Variants in MCTP1 observed in about 807,000 individuals in gnomAD.
The protein encoded by MCTP1 is multiple C2 and transmembrane domain-containing protein 1.
In MCTP1, 69 loss-of-function variants were observed where a neutral mutation model predicts 120.6. The observed-to-expected ratio is 0.57, with a 90% confidence interval of 0.47 to 0.70. The LOEUF (loss-of-function observed/expected upper bound fraction) is 0.70. Among genes scored for constraint, MCTP1 ranks in the 30% least tolerant of loss-of-function variants. The pLI is 0.00. For synonymous variants in MCTP1, 529 were observed against 493.1 expected, an observed-to-expected ratio of 1.07 and a Z score of -0.96; for missense variants, 1,203 against 1,248.8, an observed-to-expected ratio of 0.96 and a Z score of 0.55.
At chr5:94,938,223 T>A (rs1816676839) in intron 5 of MCTP1, among the ~76,000 whole-genome samples, 1 of 152,072 alleles carries the variant, frequency 6.6e-6, no homozygotes, top group East Asian at 1.9e-4. Flanking sequence ...TTTACAGATC[T>A]TTCAATGGCT....
At chr5:95,260,177 G>C (rs796743278) in intron 1 of MCTP1, among the ~76,000 whole-genome samples, 1 of 152,162 alleles carries the variant, frequency 6.6e-6, no homozygotes, top group African/African-American at 2.4e-5. Flanking sequence ...TTGAGGCTGA[G>C]TGTGGAGGAA....
intron 2 of MCTP1, among the ~76,000 whole-genome samples, chr5:95,009,068 G>C (rs1323597740): frequency 3.4e-5 from 1 of 29,108 alleles, no homozygotes; most frequent in African/African-American, 5.2e-5. Flanking sequence ...GAGAGAGAGA[G>C]AGAGAGAGAG....
chr5:94,975,807 G>A (rs1321390110), intron 2 of MCTP1, among the ~76,000 whole-genome samples: 2 of 151,904 alleles, frequency 1.3e-5, no homozygotes, highest in African/African-American at 2.4e-5. Flanking sequence ...CTTCACTGCT[G>A]CTTGGACGCC....
At chr5:94,896,405 A>G (rs1370959372) in intron 10 of MCTP1, among the ~76,000 whole-genome samples, 4 of 151,444 alleles carry the variant, frequency 2.6e-5, no homozygotes, top group Non-Finnish European at 1.5e-5. Flanking sequence ...AAAGTCTTTC[A>G]CTCACTTTTT....
intron 2 of MCTP1, among the ~76,000 whole-genome samples, chr5:94,977,792 A>G (rs1221905335): frequency 6.6e-6 from 1 of 152,166 alleles, no homozygotes; most frequent in East Asian, 1.9e-4. Flanking sequence ...ATCTTACCCC[A>G]TATACATAAA....
intron 1 of MCTP1, among the ~76,000 whole-genome samples, chr5:95,095,552 T>G (rs1034396315): frequency 6.6e-6 from 1 of 152,116 alleles, no homozygotes; most frequent in African/African-American, 2.4e-5. Flanking sequence ...ACTCAGGGGA[T>G]TACAAAAATA....
chr5:95,242,834 T>G (rs1459154824), intron 1 of MCTP1, among the ~76,000 whole-genome samples: 4 of 152,228 alleles, frequency 2.6e-5, no homozygotes, highest in Admixed American at 2.6e-4. Context: ...TGATTTTACA[T>G]GGATGTACAC....
Position 94,931,749 on chromosome 5 carries a change from T to C in MCTP1, c.1212+204A>G, listed in dbSNP as rs1814741465. The C allele has an allele frequency of 8.8e-6, 5 of 566,510 alleles. No homozygotes were observed. In the South Asian group the frequency reaches 1.1e-4, roughly 13 times the overall value. 35.1% of individuals were successfully genotyped at this position (566,510 alleles called of 1,614,324 possible). A position where few individuals can be genotyped will look rare whatever the true frequency, so the allele number is the denominator to read the frequency against. On this transcript the variant is annotated intron_variant, in intron 6 of 22. Coordinates refer to ENST00000515393, the MANE Select transcript of MCTP1 (RefSeq NM_024717.7). The stretch of plus-strand genomic sequence containing the variant: ...ATGATGTTGAGAAGTGACCAGAGAA[T>C]AGTGAAAGGATGATTTGAAGCTATT...
At chr5:94,962,302 C>T (rs999829782) in intron 2 of MCTP1, among the ~76,000 whole-genome samples, 1 of 151,772 alleles carries the variant, frequency 6.6e-6, no homozygotes, top group Non-Finnish European at 1.5e-5. Flanking sequence ...GGGTATCTGC[C>T]CACAGGAAAA....
chr5:94,884,797 A>G (rs2153372749), intron 12 of MCTP1, among the ~76,000 whole-genome samples: 1 of 152,272 alleles, frequency 6.6e-6, no homozygotes, highest in Non-Finnish European at 1.5e-5. Context: ...TAAGACTCTC[A>G]CGGAAGCTGA....
At chr5:94,878,139 T>A (rs1799307481) in intron 12 of MCTP1, among the ~76,000 whole-genome samples, 1 of 152,192 alleles carries the variant, frequency 6.6e-6, no homozygotes, top group Non-Finnish European at 1.5e-5. Context: ...ATAATCAAGG[T>A]TGCCATCTAT....
intron 1 of MCTP1, among the ~76,000 whole-genome samples, chr5:95,130,897 T>A (rs1758992677): frequency 6.6e-6 from 1 of 152,226 alleles, no homozygotes; most frequent in Non-Finnish European, 1.5e-5. Context: ...TGCAAGGAAT[T>A]AGAATTTCAG....
At chr5:95,210,717 A>G (rs1471961163) in intron 1 of MCTP1, among the ~76,000 whole-genome samples, 2 of 151,694 alleles carry the variant, frequency 1.3e-5, no homozygotes, top group African/African-American at 4.8e-5. Flanking sequence ...TCCTGTCATT[A>G]TGATGTTAGC....
chr5:95,207,760 A>C (rs1282957485), intron 1 of MCTP1, among the ~76,000 whole-genome samples: 2 of 152,188 alleles, frequency 1.3e-5, no homozygotes, highest in East Asian at 3.9e-4. Context: ...AAGAATAAAA[A>C]TGTGATTGAG....
chr5:95,202,271 A>G (rs1751150342), intron 1 of MCTP1, among the ~76,000 whole-genome samples: 1 of 152,136 alleles, frequency 6.6e-6, no homozygotes, highest in Non-Finnish European at 1.5e-5. Context: ...CTGACCTTTG[A>G]ACTGTAAGAC....
intron 2 of MCTP1, among the ~76,000 whole-genome samples, chr5:94,998,154 T>A (rs767387835): frequency 1.3e-5 from 2 of 152,176 alleles, no homozygotes; most frequent in Non-Finnish European, 2.9e-5. Flanking sequence ...TATTTTATGT[T>A]GACTTTGGAT....
At chr5:94,949,336 C>A (rs1435530977) in intron 3 of MCTP1, among the ~76,000 whole-genome samples, 1 of 152,104 alleles carries the variant, frequency 6.6e-6, no homozygotes, top group Non-Finnish European at 1.5e-5. Flanking sequence ...GAATACAGGG[C>A]AGACTAAAGT....
At chr5:95,104,965 T>G (rs2152378738) in intron 1 of MCTP1, among the ~76,000 whole-genome samples, 1 of 152,338 alleles carries the variant, frequency 6.6e-6, no homozygotes, top group South Asian at 2.1e-4. Flanking sequence ...CCTTTATCAT[T>G]ATCTGTTCTG....
chr5:94,739,661 G>C (rs12659125), intron 19 of MCTP1, among the ~76,000 whole-genome samples: 22,312 of 151,980 alleles, frequency 0.15, 1,888 homozygotes, highest in East Asian at 0.32. Flanking sequence ...AGGTAGTTTT[G>C]TTTGTTTGTT....
Sources: allele counts gnomAD v4.1 joint callset (sites outside exome capture counted in the v4.1 genomes callset), GRCh38; gene constraint gnomAD v4.1.1; transcripts MANE v1.5; gene names NCBI Gene and HGNC (gene_info 2026-07-23, HGNC 2026-07-21).